Variants in TTLL8 observed in about 807,000 individuals in gnomAD.
TTLL8 encodes the protein tubulin tyrosine ligase like 8.
Under a neutral mutation model 77.8 loss-of-function variants are expected in TTLL8, and 65 were observed. That is an observed-to-expected ratio of 0.84 (90% CI 0.68 to 1.03). TTLL8 has a LOEUF of 1.03. Among genes scored for constraint, TTLL8 ranks in the 50% least tolerant of loss-of-function variants. TTLL8 has a pLI of 0.00. For missense variants in TTLL8, 910 were observed against 1,004.5 expected, an observed-to-expected ratio of 0.91 and a Z score of 1.27; for synonymous variants, 402 against 422.8, an observed-to-expected ratio of 0.95 and a Z score of 0.60.
chr22:50,029,373 C>CA (rs2061265953), intron 12 of TTLL8, among the ~76,000 whole-genome samples: 1 of 137,412 alleles, frequency 7.3e-6, no homozygotes, highest in Non-Finnish European at 1.6e-5. Flanking sequence ...CCCCCACACA[C>CA]CCTCGTAAAG....
chr22:50,041,153 C>A lies in TTLL8; in HGVS notation c.921+34G>T. 2.5e-6 allele frequency: 1 copy of A among 400,412 alleles called. No individual in the cohort carries two copies. Among genetic ancestry groups the A allele is most frequent in the Non-Finnish European group, 4.9e-6 (1 of 202,490 alleles). 24.8% of individuals were successfully genotyped at this position (400,412 alleles called of 1,614,324 possible). The stretch of plus-strand genomic sequence containing the variant: ...TCACTCACCAACACCAAGAGTGAGG[C>A]AGGTGCCCCAGTGGAGAGACAGACA... On this transcript the variant is annotated intron_variant, in intron 8 of 13. Transcript: ENST00000266182. This position sits in a 1 kb window ranked among gnomAD's most constrained non-coding sequence, Gnocchi z 4.3.
chr22:50,035,726 G>A (rs369189579), intron 8 of TTLL8, among the ~76,000 whole-genome samples: 8 of 152,208 alleles, frequency 5.3e-5, no homozygotes, highest in Non-Finnish European at 1.0e-4. Flanking sequence ...CACCCATGAC[G>A]TCCACCATGT....
At chr22:50,019,331 C>A (rs1447049344) in intron 12 of TTLL8, among the ~76,000 whole-genome samples, 1 of 152,174 alleles carries the variant, frequency 6.6e-6, no homozygotes, top group African/African-American at 2.4e-5. Flanking sequence ...TAAATGAAAT[C>A]AAATGGTAGG....
chr22:50,030,631 G>A (rs1240020214), exon 12 of TTLL8: 2 of 1,291,214 alleles, frequency 1.5e-6, no homozygotes, highest in Admixed American at 2.4e-5. Context: ...GCTTTGGTGC[G>A]GGTGGGCTGT....
chr22:50,033,094 G>T lies in TTLL8; in HGVS notation c.1283+108C>A. The T allele has an allele frequency of 2.5e-6, 3 of 1,210,244 alleles. No individual in the cohort carries two copies. The Admixed American group carries it at 7.9e-5, about 32-fold the overall frequency. 75.0% of individuals were successfully genotyped at this position (1,210,244 alleles called of 1,614,324 possible). ...ATCTGTGCCTCTCGTGGTGGCAGGTGGCAGTGAGGGGGCCCTGCCCGTGCT... is the reference window on the plus strand; with the variant it reads ...ATCTGTGCCTCTCGTGGTGGCAGGTTGCAGTGAGGGGGCCCTGCCCGTGCT... On this transcript the variant is annotated intron_variant, in intron 10 of 13. Transcript: ENST00000266182.
At chr22:50,026,971 C>T (rs1358607452) in intron 12 of TTLL8, among the ~76,000 whole-genome samples, 5 of 152,150 alleles carry the variant, frequency 3.3e-5, no homozygotes, top group South Asian at 2.1e-4. Flanking sequence ...CGGTGGCTCA[C>T]GCCTGTAATC....
intron 6 of TTLL8, among the ~76,000 whole-genome samples, chr22:50,043,050 A>C (rs561047354): frequency 4.6e-5 from 7 of 152,382 alleles, no homozygotes; most frequent in Admixed American, 3.9e-4. Flanking sequence ...TGTCGACAGA[A>C]ACGTTATTCA....
Position 50,031,757 on chromosome 22 carries a change from G to A in TTLL8, c.1636C>T (p.Gln546Ter), listed in dbSNP as rs969327858. ...ACGGCCACCTTGATGGTGTCCTCCT[G>A]CACCTGTGCACACAGCTGGGCCGTG... Residue 546 changes from glutamine to a stop codon, truncating the protein, a stop_gained, in exon 11 of 14, where the codon CAG becomes TAG. Transcript: ENST00000266182. LOFTEE classifies it high-confidence loss of function. 1.5e-6 allele frequency: 2 copies of A among 1,363,180 alleles called. No individual in the cohort carries two copies. Among genetic ancestry groups the A allele is most frequent in the Admixed American group, 3.8e-5 (2 of 52,402 alleles). The allele number at this position is 1,363,180 out of a possible 1,614,324, so 84.4% of individuals were successfully genotyped here.
chr22:50,032,760 G>A (rs980920511), intron 10 of TTLL8, among the ~76,000 whole-genome samples: 3 of 152,206 alleles, frequency 2.0e-5, no homozygotes, highest in African/African-American at 4.8e-5. Flanking sequence ...ACACTCCTGA[G>A]GACTCCACAG....
upstream of TTLL8, chr22:50,056,676 G>T: frequency 1.2e-6 from 1 of 848,526 alleles, no homozygotes; most frequent in Non-Finnish European, 1.4e-6. This position sits in a 1 kb window ranked among gnomAD's most constrained non-coding sequence, Gnocchi z 4.1. Flanking sequence ...CAGGAGGCAG[G>T]AGCCAGCGCC....
chr22:50,030,419 G>A lies in TTLL8; in HGVS notation c.2203+11C>T, dbSNP rs1253059068. On this transcript the variant is annotated intron_variant, in intron 12 of 13. Transcript: ENST00000266182. Reference sequence around the variant, plus strand: ...CCAAGCCCACAGCGCACCGCCGGCGGCGCAGGTTACCTTTTCCTCCGGGCG... The same window carrying A: ...CCAAGCCCACAGCGCACCGCCGGCGACGCAGGTTACCTTTTCCTCCGGGCG... 16 of 1,311,966 alleles carry A rather than the reference G, an allele frequency of 1.2e-5. No homozygotes were observed. Among genetic ancestry groups the A allele is most frequent in the Non-Finnish European group, 1.6e-5 (16 of 1,004,826 alleles). 81.3% of individuals were successfully genotyped at this position (1,311,966 alleles called of 1,614,324 possible). A position where few individuals can be genotyped will look rare whatever the true frequency, so the allele number is the denominator to read the frequency against.
rs977825811 is a variant in TTLL8, at chr22:50,034,224, G to T, written c.1039+121C>A. 3.4e-6 allele frequency: 4 copies of T among 1,182,840 alleles called. No homozygotes were observed. Among genetic ancestry groups the T allele is most frequent in the African/African-American group, 3.2e-5 (2 of 62,730 alleles). The allele number at this position is 1,182,840 out of a possible 1,614,324, so 73.3% of individuals were successfully genotyped here. A position where few individuals can be genotyped will look rare whatever the true frequency, so the allele number is the denominator to read the frequency against. ...TCCTGACCCCCACGCCTGCCTCGGC[G>T]TTCTGCTCCCTCCCTTCCTTCCCTG... is the stretch of plus-strand genomic sequence containing the variant. On this transcript the variant is annotated intron_variant, in intron 9 of 13. Transcript: ENST00000266182. This position sits in a 1 kb window ranked among gnomAD's most constrained non-coding sequence, Gnocchi z 4.1.
At chr22:50,019,730 T>A (rs1468421766) in intron 12 of TTLL8, among the ~76,000 whole-genome samples, 2 of 152,216 alleles carry the variant, frequency 1.3e-5, no homozygotes, top group Non-Finnish European at 2.9e-5. Flanking sequence ...CGAGGAGCCC[T>A]TCTCGGACTC....
intron 1 of TTLL8, 27 bp from the exon 4 acceptor site, chr22:50,050,274 T>C (rs1249190981): frequency 1.8e-5 from 23 of 1,300,870 alleles, no homozygotes; most frequent in Non-Finnish European, 2.3e-5. Flanking sequence ...ATATTTTATT[T>C]TATTTCAATC....
At chr22:50,053,470 C>T (rs374097656) in intron 1 of TTLL8, among the ~76,000 whole-genome samples, 110 of 152,314 alleles carry the variant, frequency 7.2e-4, no homozygotes, top group African/African-American at 2.6e-3. Context: ...GACAAACGTA[C>T]TCCAAAATAA....
At chr22:50,030,990 G>T (rs1464928504) in intron 11 of TTLL8, 65 bp from the exon 13 acceptor site, 2 of 1,271,696 alleles carry the variant, frequency 1.6e-6, no homozygotes, top group Non-Finnish European at 2.0e-6. Context: ...CCTGCAGGAG[G>T]GGTCTGTGCA....
chr22:50,050,454 C>T (rs1293334519), intron 1 of TTLL8, among the ~76,000 whole-genome samples: 1 of 151,498 alleles, frequency 6.6e-6, no homozygotes, highest in Non-Finnish European at 1.5e-5. Flanking sequence ...CTCACTGCAA[C>T]CTGTCTTCCA....
In TTLL8 at chr22:50,034,980, A is replaced by C. The variant is rs181806075; in HGVS notation, c.922-518T>G. Among the ~76,000 whole-genome samples, 99 of 152,332 alleles carry C rather than the reference A, an allele frequency of 6.5e-4. No homozygotes were observed. The highest frequency in any genetic ancestry group is 2.3e-3 in the African/African-American group (97 of 41,576). ...CACCACATCCTGGGAGCTCAGCATC[A>C]TTCTGACTCAAGACCCTTTGCAGTC... On this transcript the variant is annotated intron_variant, in intron 8 of 13. Transcript: ENST00000266182. The surrounding 1 kb of genome is among the most constrained non-coding windows in gnomAD (Gnocchi z 4.1).
At position 50,034,547 on chromosome 22, in the gene TTLL8, T is replaced by A. The variant is rs1333778045; in HGVS notation, c.922-85A>T. ...AGAAAGTGCATGAGACTTGGAGGCCTGGGCCCCGCCTCACCCACCAAGCAG... is the reference window on the plus strand; with the variant it reads ...AGAAAGTGCATGAGACTTGGAGGCCAGGGCCCCGCCTCACCCACCAAGCAG... On this transcript the variant is annotated intron_variant, in intron 8 of 13. Transcript: ENST00000266182. This position sits in a 1 kb window ranked among gnomAD's most constrained non-coding sequence, Gnocchi z 4.1. 13 of 1,269,034 alleles carry A rather than the reference T, an allele frequency of 1.0e-5. No individual in the cohort carries two copies. Among genetic ancestry groups the A allele is most frequent in the Non-Finnish European group, 1.3e-5 (13 of 968,084 alleles). The allele number at this position is 1,269,034 out of a possible 1,614,324, so 78.6% of individuals were successfully genotyped here. A position where few individuals can be genotyped will look rare whatever the true frequency, so the allele number is the denominator to read the frequency against.
Sources: gnomAD v4.1 joint callset for allele counts (sites outside exome capture counted in the v4.1 genomes callset) on GRCh38, gnomAD v4.1.1 for gene constraint, Gnocchi (gnomAD v3.1) non-coding constraint, MANE v1.5 for transcripts, NCBI Gene and HGNC (gene_info 2026-07-23, HGNC 2026-07-21) for gene names.